The following LRP1B variants were observed in gnomAD, a reference collection of about 807,000 sequenced individuals.
LRP1B encodes the protein low-density lipoprotein receptor-related protein 1B.
Under a neutral mutation model 556.6 loss-of-function variants are expected in LRP1B, and 217 were observed. The ratio of observed to expected loss-of-function variants is 0.39; its 90% confidence interval spans 0.35 to 0.44. LRP1B has a LOEUF of 0.44. LRP1B is among the 20% of genes least tolerant of loss of function. The pLI, the probability that LRP1B is intolerant of heterozygous loss-of-function variation, is 1.00. For synonymous variants in LRP1B, 2,047 were observed against 1,865.8 expected (o/e 1.10, Z -2.50); for missense variants, 5,053 against 5,620.8 (o/e 0.90, Z 3.23).
intron 3 of LRP1B, among the ~76,000 whole-genome samples, chr2:141,350,192 T>A (rs191222186): frequency 4.0e-4 from 61 of 152,096 alleles, no homozygotes; most frequent in Admixed American, 1.4e-3. Flanking sequence ...AAGATGAGAT[T>A]TGGGTGGGGA....
rs893032227 is a variant in LRP1B, at chr2:142,021,213, A to G, written c.82+109435T>C. On this transcript the variant is annotated intron_variant, in intron 1 of 90. Transcript: ENST00000389484. ...ATGAAAATTATAAATGAAGGATGCA[A>G]TATTACTGGTGACACTACCAAATTC... Among the ~76,000 whole-genome samples, 3 of 152,288 alleles carry G rather than the reference A, an allele frequency of 2.0e-5. No homozygotes were observed. The East Asian group carries it at 5.8e-4, about 29-fold the overall frequency.
At chr2:140,891,988 TGTGA>T (rs1257845015) in intron 23 of LRP1B, among the ~76,000 whole-genome samples, 1 of 152,088 alleles carries the variant, frequency 6.6e-6, no homozygotes, top group South Asian at 2.1e-4. Flanking sequence ...GGTGTGTGTG[TGTGA>T]GAGGCAGAGT....
intron 1 of LRP1B, among the ~76,000 whole-genome samples, chr2:142,047,495 A>G (rs939836580): frequency 6.6e-6 from 1 of 151,912 alleles, no homozygotes; most frequent in African/African-American, 2.4e-5. Context: ...AATTCCTTGA[A>G]GTAAAATAAC....
chr2:141,256,446 T>A (rs1413880386), intron 3 of LRP1B, among the ~76,000 whole-genome samples: 1 of 151,896 alleles, frequency 6.6e-6, no homozygotes, highest in African/African-American at 2.4e-5. Flanking sequence ...ACGGATTAAG[T>A]AGAATTTTCT....
chr2:140,520,020 T>G (rs77162735), intron 49 of LRP1B, among the ~76,000 whole-genome samples: 114,656 of 151,790 alleles, frequency 0.76, 43,844 homozygotes, highest in Middle Eastern at 0.88. Flanking sequence ...TTTTTGGGAG[T>G]GTTCAACCAT....
At chr2:141,629,006 T>G (rs989873065) in intron 2 of LRP1B, among the ~76,000 whole-genome samples, 1 of 152,176 alleles carries the variant, frequency 6.6e-6, no homozygotes, top group African/African-American at 2.4e-5. Flanking sequence ...GTACAACCAA[T>G]CTGTATAAGC....
chr2:140,623,118 A>G (rs976195365), intron 41 of LRP1B, among the ~76,000 whole-genome samples: 3 of 152,192 alleles, frequency 2.0e-5, no homozygotes, highest in South Asian at 2.1e-4. Flanking sequence ...TTAAGCTTAC[A>G]TTAATTTCTA....
intron 2 of LRP1B, among the ~76,000 whole-genome samples, chr2:141,662,153 G>T (rs1690244040): frequency 6.6e-6 from 1 of 152,154 alleles, no homozygotes; most frequent in South Asian, 2.1e-4. Flanking sequence ...TCACCACCAG[G>T]CCTACCTTGC....
At chr2:140,397,969 T>A (rs906333412) in intron 66 of LRP1B, among the ~76,000 whole-genome samples, 1 of 152,108 alleles carries the variant, frequency 6.6e-6, no homozygotes, top group African/African-American at 2.4e-5. Flanking sequence ...TGTTATTTAC[T>A]TAGCAAAGAT....
At chr2:140,357,834 G>A (rs986900842) in intron 74 of LRP1B, 145 bp downstream of exon 74, 2 of 873,162 alleles carry the variant, frequency 2.3e-6, no homozygotes, top group Non-Finnish European at 3.4e-6. Context: ...ATATTCTAAT[G>A]TTGCTTTGGC....
intron 3 of LRP1B, among the ~76,000 whole-genome samples, chr2:141,277,933 A>C (rs1313200643): frequency 6.6e-6 from 1 of 152,148 alleles, no homozygotes; most frequent in South Asian, 2.1e-4. Flanking sequence ...AATAAAATAC[A>C]ATAACCTTAT....
intron 41 of LRP1B, among the ~76,000 whole-genome samples, chr2:140,616,383 T>C (rs1475763877): frequency 6.6e-6 from 1 of 151,922 alleles, no homozygotes; most frequent in Non-Finnish European, 1.5e-5. Context: ...ACATTCTCAA[T>C]TTAAATCGTC....
rs564122780 is a variant in LRP1B at position 141,266,257 on chromosome 2, G to C, written c.344-11616C>G. ...AAGAATGGCGTGAACCCGGGAGGCA[G>C]AGCTTGCAGTGAGCAGAGATTGCGC... is the stretch of plus-strand genomic sequence containing the variant. On this transcript the variant is annotated intron_variant, in intron 3 of 90. Transcript: ENST00000389484. Among the ~76,000 whole-genome samples the C allele has an allele frequency of 3.4e-5, 5 of 149,250 alleles. No homozygotes were observed. In the South Asian group the frequency reaches 1.1e-3, roughly 32 times the overall value.
intron 21 of LRP1B, among the ~76,000 whole-genome samples, chr2:140,922,023 A>ATT: frequency 6.6e-6 from 1 of 152,182 alleles, no homozygotes; most frequent in South Asian, 2.1e-4. Flanking sequence ...TCAAAGAGAG[A>ATT]TTGCAGAGAT....
intron 7 of LRP1B, among the ~76,000 whole-genome samples, chr2:141,076,737 C>A (rs1000748911): frequency 1.3e-5 from 2 of 152,144 alleles, no homozygotes; most frequent in Non-Finnish European, 2.9e-5. Flanking sequence ...GAAAACTAGA[C>A]CCTAGGTTCT....
intron 2 of LRP1B, among the ~76,000 whole-genome samples, chr2:141,484,726 T>C (rs1323918516): frequency 6.6e-6 from 1 of 152,030 alleles, no homozygotes; most frequent in African/African-American, 2.4e-5. Flanking sequence ...TTTGAAGCAA[T>C]TGTGAATGGG....
chr2:140,569,198 A>G (rs1681233363), intron 43 of LRP1B, among the ~76,000 whole-genome samples: 1 of 152,152 alleles, frequency 6.6e-6, no homozygotes, highest in Non-Finnish European at 1.5e-5. Flanking sequence ...TTAAAAAACA[A>G]CAGGAGTATA....
intron 86 of LRP1B, among the ~76,000 whole-genome samples, chr2:140,253,762 G>T (rs1423092870): frequency 6.6e-6 from 1 of 152,096 alleles, no homozygotes; most frequent in Admixed American, 6.6e-5. Context: ...TGCATCAACT[G>T]AAAAGGAAAA....
intron 3 of LRP1B, among the ~76,000 whole-genome samples, chr2:141,281,111 A>T (rs7570334): frequency 0.27 from 41,423 of 151,836 alleles, 6,225 homozygotes; most frequent in Middle Eastern, 0.45. Flanking sequence ...TATTTTATAG[A>T]TTGAGCTTTT....
Sources: allele counts gnomAD v4.1 joint callset (sites outside exome capture counted in the v4.1 genomes callset), GRCh38; gene constraint gnomAD v4.1.1; transcripts MANE v1.5; gene names NCBI Gene and HGNC (gene_info 2026-07-23, HGNC 2026-07-21).